The following FARP1 variants were observed in gnomAD, a reference collection of about 807,000 sequenced individuals.
FARP1 encodes the protein FERM, ARH/RhoGEF and pleckstrin domain protein 1.
In FARP1, 52 loss-of-function variants were observed where a neutral mutation model predicts 128.8. That is an observed-to-expected ratio of 0.40 (90% CI 0.32 to 0.51). The LOEUF is 0.51. Ranked by LOEUF, FARP1 falls within the 20% of genes least tolerant of loss-of-function variation. FARP1 has a pLI of 0.45. For synonymous variants in FARP1, 580 were observed against 551.8 expected (o/e 1.05, Z -0.72); for missense variants, 1,333 against 1,367.9 (o/e 0.97, Z 0.40).
intron 1 of FARP1, among the ~76,000 whole-genome samples, chr13:98,171,321 C>G (rs1337215699): frequency 6.6e-6 from 1 of 152,154 alleles, no homozygotes; most frequent in Non-Finnish European, 1.5e-5. Flanking sequence ...GTGCAAAGGT[C>G]TAGCCTCTTC....
intron 16 of FARP1, among the ~76,000 whole-genome samples, chr13:98,413,134 G>A (rs1891253496): frequency 6.6e-6 from 1 of 152,214 alleles, no homozygotes; most frequent in South Asian, 2.1e-4. Flanking sequence ...CCTAAGTGAT[G>A]TCCGGCTTTG....
At chr13:98,160,521 C>CA (rs1164350180) in intron 1 of FARP1, among the ~76,000 whole-genome samples, 1 of 151,966 alleles carries the variant, frequency 6.6e-6, no homozygotes, top group African/African-American at 2.4e-5. Context: ...TTGTTAATTG[C>CA]AAAAATAAGG....
chr13:98,203,837 A>G (rs1880104234), intron 1 of FARP1: 1 of 152,186 alleles, frequency 6.6e-6, no homozygotes, highest in Non-Finnish European at 1.5e-5. Context: ...ATTTTAAGAA[A>G]CTGCCAAAAT....
At chr13:98,377,453 G>A (rs190118551) in intron 5 of FARP1, among the ~76,000 whole-genome samples, 1 of 150,462 alleles carries the variant, frequency 6.6e-6, no homozygotes, top group Non-Finnish European at 1.5e-5. Context: ...ATAAACTACT[G>A]TTATTGTCTG....
At position 98,454,887 on chromosome 13, in the gene FARP1, G is replaced by A. The variant is rs2139236207; in HGVS notation, c.*6570G>A. On this transcript the variant is annotated 3_prime_UTR_variant, in exon 27 of 27. Coordinates refer to ENST00000319562, the MANE Select transcript of FARP1 (RefSeq NM_005766.4). ...AGGAAAGAGGGCACTCCTCATCACA[G>A]ACAAAGGAAAGAGAGCACCAACTTG... 6.6e-6 allele frequency: 1 copy of A among 151,164 alleles called. No individual in the cohort carries two copies. The highest frequency in any genetic ancestry group is 2.1e-4 in the South Asian group (1 of 4,822). The allele number at this position is 151,164 out of a possible 1,614,324, so 9.4% of individuals were successfully genotyped here.
intron 2 of FARP1, among the ~76,000 whole-genome samples, chr13:98,311,730 A>G (rs1386403337): frequency 6.6e-6 from 1 of 152,224 alleles, no homozygotes. Context: ...TCTCCTAGAG[A>G]GAACTCGTAC....
intron 13 of FARP1, chr13:98,400,890 G>T (rs2140089495): frequency 6.6e-6 from 1 of 152,260 alleles, no homozygotes; most frequent in Non-Finnish European, 1.5e-5. Flanking sequence ...AAGTTTCTTT[G>T]AACCCTAGCC....
intron 2 of FARP1, among the ~76,000 whole-genome samples, chr13:98,223,232 T>A (rs1159277285): frequency 2.6e-5 from 4 of 152,220 alleles, no homozygotes; most frequent in Non-Finnish European, 4.4e-5. Flanking sequence ...GGCTGAGAAG[T>A]CAACTCTGTG....
At chr13:98,387,889 G>A (rs2140047690) in intron 8 of FARP1, among the ~76,000 whole-genome samples, 1 of 152,350 alleles carries the variant, frequency 6.6e-6, no homozygotes, top group East Asian at 1.9e-4. Context: ...GTGCTTGGAA[G>A]TCTCTTTCTG....
intron 11 of FARP1, among the ~76,000 whole-genome samples, chr13:98,391,899 G>A (rs1265885380): frequency 6.6e-6 from 1 of 152,138 alleles, no homozygotes; most frequent in African/African-American, 2.4e-5. Flanking sequence ...ACTGCATGTA[G>A]CGTTTTTAAA....
At chr13:98,235,790 A>G (rs1594304266) in intron 2 of FARP1, among the ~76,000 whole-genome samples, 1 of 150,394 alleles carries the variant, frequency 6.6e-6, no homozygotes, top group South Asian at 2.1e-4. Context: ...TTTATTCCGT[A>G]TCATTCATAA....
intron 3 of FARP1, among the ~76,000 whole-genome samples, 176 bp downstream of exon 3, chr13:98,344,042 C>T (rs933303867): frequency 3.3e-5 from 5 of 152,132 alleles, no homozygotes; most frequent in African/African-American, 1.2e-4. Context: ...TTTAGACTAG[C>T]CATGTTTCAA....
intron 2 of FARP1, among the ~76,000 whole-genome samples, chr13:98,285,436 C>T (rs1885122464): frequency 1.3e-5 from 2 of 152,126 alleles, no homozygotes; most frequent in Admixed American, 6.5e-5. Context: ...CAAAGAGCCC[C>T]TGGGAAGCTG....
At chr13:98,379,203 AT>A (rs1390246658) in intron 6 of FARP1, among the ~76,000 whole-genome samples, 3 of 123,684 alleles carry the variant, frequency 2.4e-5, no homozygotes, top group Non-Finnish European at 4.9e-5. Flanking sequence ...TATAATATAT[AT>A]ATAATATATA....
chr13:98,261,056 T>G (rs1323250667), intron 2 of FARP1, among the ~76,000 whole-genome samples: 3 of 152,102 alleles, frequency 2.0e-5, no homozygotes, highest in Non-Finnish European at 4.4e-5. Context: ...GACAGCTCTA[T>G]GGGAGGAAGG....
chr13:98,290,719 T>C (rs1410152067), intron 2 of FARP1, among the ~76,000 whole-genome samples: 2 of 151,890 alleles, frequency 1.3e-5, no homozygotes, highest in Admixed American at 1.3e-4. Context: ...GTGTAGGTGG[T>C]GGGAAGTGCT....
intron 25 of FARP1, 145 bp from the exon 26 acceptor site, chr13:98,446,521 A>G (rs1419593338): frequency 1.2e-6 from 1 of 802,622 alleles, no homozygotes; most frequent in South Asian, 1.7e-5. Flanking sequence ...ACAGGCAAAC[A>G]CTGGCTGCCA....
chr13:98,287,257 G>A (rs1235364400), intron 2 of FARP1, among the ~76,000 whole-genome samples: 32 of 99,100 alleles, frequency 3.2e-4, no homozygotes, highest in African/African-American at 1.3e-3. Context: ...TTGAGATGGA[G>A]TCTTGCTCTC....
intron 1 of FARP1, among the ~76,000 whole-genome samples, chr13:98,210,359 G>T (rs1002691614): frequency 6.6e-6 from 1 of 151,700 alleles, no homozygotes; most frequent in African/African-American, 2.4e-5. Context: ...GATTCTAATG[G>T]CTTTCACCCT....
Sources: allele counts gnomAD v4.1 joint callset (sites outside exome capture counted in the v4.1 genomes callset), GRCh38; gene constraint gnomAD v4.1.1; transcripts MANE v1.5; gene names NCBI Gene and HGNC (gene_info 2026-07-23, HGNC 2026-07-21).